Variants in SORCS1 observed in about 807,000 individuals in gnomAD.
The protein encoded by SORCS1 is sortilin related VPS10 domain containing receptor 1.
A neutral mutation model predicts 146.1 loss-of-function variants in SORCS1; 60 were observed. The ratio of observed to expected loss-of-function variants is 0.41; its 90% CI spans 0.33 to 0.51. SORCS1 has a LOEUF of 0.51. SORCS1 is among the 20% of genes least tolerant of loss of function. The pLI is 0.21. For synonymous variants in SORCS1, 637 were observed against 584.0 expected, an observed-to-expected ratio of 1.09 and a Z score of -1.31; for missense variants, 1,352 against 1,487.6, an observed-to-expected ratio of 0.91 and a Z score of 1.50.
chr10:106,776,414 G>T, intron 4 of SORCS1, 120 bp downstream of exon 4: 2 of 1,269,182 alleles, frequency 1.6e-6, no homozygotes, highest in Non-Finnish European at 2.2e-6. Context: ...TTAGCACAGA[G>T]GTCAGGCTAC....
intron 1 of SORCS1, among the ~76,000 whole-genome samples, chr10:107,111,196 A>T (rs1205759407): frequency 1.3e-5 from 2 of 152,226 alleles, no homozygotes; most frequent in Non-Finnish European, 2.9e-5. Context: ...CACCAAAGGA[A>T]ACTATGAACA....
intron 1 of SORCS1, among the ~76,000 whole-genome samples, chr10:107,063,166 A>AATGGGT (rs1564989103): frequency 1.3e-5 from 2 of 152,276 alleles, no homozygotes; most frequent in Non-Finnish European, 2.9e-5. Context: ...TATAAAAGTA[A>AATGGGT]ATGGGTATGG....
intron 1 of SORCS1, among the ~76,000 whole-genome samples, chr10:107,111,168 A>G (rs1162133133): frequency 6.6e-6 from 1 of 152,226 alleles, no homozygotes; most frequent in Non-Finnish European, 1.5e-5. Context: ...ATAACAACAA[A>G]TCAGGCAAAC....
chr10:106,673,207 C>T lies in SORCS1; in HGVS notation c.1941-222G>A, dbSNP rs547434276. 4.6e-5 allele frequency among the ~76,000 whole-genome samples: 7 copies of T among 151,272 alleles called. No individual in the cohort carries two copies. In the East Asian group the frequency reaches 1.4e-3, roughly 30 times the overall value. On this transcript the variant is annotated intron_variant, in intron 14 of 25. Transcript: ENST00000263054. ...AGCGCAGTGGTGCGATCTCGGCTCA[C>T]TACAACCCCTGACTCCCTGGTTCAA...
At chr10:106,602,732 T>G (rs1160111023) in intron 23 of SORCS1, among the ~76,000 whole-genome samples, 6 of 152,218 alleles carry the variant, frequency 3.9e-5, no homozygotes, top group African/African-American at 1.4e-4. Context: ...CCTCCACTTT[T>G]GGTTATAGTT....
intron 6 of SORCS1, among the ~76,000 whole-genome samples, chr10:106,725,420 G>A (rs890157562): frequency 2.8e-4 from 42 of 148,870 alleles, no homozygotes; most frequent in African/African-American, 9.6e-4. Context: ...GTGTGGTGGC[G>A]GGCACCTATA....
intron 4 of SORCS1, among the ~76,000 whole-genome samples, chr10:106,769,710 TCA>T (rs1281687979): frequency 6.6e-6 from 1 of 152,202 alleles, no homozygotes; most frequent in Non-Finnish European, 1.5e-5. Flanking sequence ...TGGCTGTTCA[TCA>T]CATTGGCAGT....
intron 1 of SORCS1, among the ~76,000 whole-genome samples, chr10:107,054,503 G>T (rs772760894): frequency 6.6e-6 from 1 of 152,152 alleles, no homozygotes; most frequent in Admixed American, 6.5e-5. Flanking sequence ...AAAAGAGCTG[G>T]ACACGTTTGG....
chr10:107,070,608 G>A (rs933476054), intron 1 of SORCS1, among the ~76,000 whole-genome samples: 11 of 152,096 alleles, frequency 7.2e-5, no homozygotes, highest in Admixed American at 3.9e-4. Context: ...TACTTTCATC[G>A]TTTATAAAAT....
intron 2 of SORCS1, among the ~76,000 whole-genome samples, chr10:106,924,819 T>G (rs774003117): frequency 6.6e-6 from 1 of 151,966 alleles, no homozygotes; most frequent in Non-Finnish European, 1.5e-5. Flanking sequence ...TTAATGCTTT[T>G]CATCTTGACA....
At chr10:106,959,503 T>C (rs1394023228) in intron 1 of SORCS1, among the ~76,000 whole-genome samples, 3 of 152,236 alleles carry the variant, frequency 2.0e-5, no homozygotes, top group African/African-American at 7.2e-5. Flanking sequence ...TGCTTTTCTG[T>C]GACAGCAATA....
chr10:106,626,522 T>A (rs1468930903), intron 19 of SORCS1, among the ~76,000 whole-genome samples: 1 of 152,230 alleles, frequency 6.6e-6, no homozygotes. Flanking sequence ...CAGTCACTCA[T>A]GACACCCTCC....
At chr10:106,830,734 A>C (rs186384751) in intron 2 of SORCS1, among the ~76,000 whole-genome samples, 1 of 152,142 alleles carries the variant, frequency 6.6e-6, no homozygotes, top group Non-Finnish European at 1.5e-5. Flanking sequence ...CTTCTCTATC[A>C]AAAATGCAAA....
intron 1 of SORCS1, among the ~76,000 whole-genome samples, chr10:106,964,628 A>T (rs1303774949): frequency 6.6e-6 from 1 of 152,106 alleles, no homozygotes; most frequent in Non-Finnish European, 1.5e-5. Flanking sequence ...CTGGGACTAC[A>T]GGTGCGTGCC....
chr10:107,125,979 C>T (rs530681670), intron 1 of SORCS1, among the ~76,000 whole-genome samples: 3 of 152,170 alleles, frequency 2.0e-5, no homozygotes, highest in Non-Finnish European at 2.9e-5. Context: ...TTCCAGTAAG[C>T]TAACGTGTTG....
chr10:106,849,204 G>A (rs1026183268), intron 2 of SORCS1, among the ~76,000 whole-genome samples: 1 of 150,732 alleles, frequency 6.6e-6, no homozygotes, highest in African/African-American at 2.4e-5. Context: ...ACCATTCTCT[G>A]CATCACTTTC....
intron 2 of SORCS1, among the ~76,000 whole-genome samples, chr10:106,934,336 C>T (rs192406683): frequency 6.6e-5 from 10 of 152,014 alleles, no homozygotes; most frequent in Admixed American, 4.6e-4. Flanking sequence ...CAGATCACTG[C>T]GAGCTCGGTC....
At chr10:107,172,248 T>C in the SORCS1 span, among the ~76,000 whole-genome samples, 3 of 152,218 alleles carry the variant, frequency 2.0e-5, no homozygotes, top group African/African-American at 7.2e-5. Context: ...GTTTCTTTGA[T>C]ATCTGCTACC....
chr10:106,679,546 C>T (rs1345229422), intron 11 of SORCS1, 86 bp downstream of exon 11: 1 of 1,240,276 alleles, frequency 8.1e-7, no homozygotes, highest in African/African-American at 1.5e-5. Flanking sequence ...TATCTAGCTT[C>T]TTAAAATAAA....
Sources: allele counts gnomAD v4.1 joint callset (sites outside exome capture counted in the v4.1 genomes callset), GRCh38; gene constraint gnomAD v4.1.1; transcripts MANE v1.5; gene names NCBI Gene and HGNC (gene_info 2026-07-23, HGNC 2026-07-21).